MAN1B1: variants seen among roughly 807,000 people sequenced by gnomAD.
The protein encoded by MAN1B1 is mannosidase alpha class 1B member 1.
Under a neutral mutation model 75.5 loss-of-function variants are expected in MAN1B1, and 66 were observed. The observed-to-expected ratio is 0.87, with a 90% CI of 0.72 to 1.07. MAN1B1 has a LOEUF of 1.07. MAN1B1 is among the 50% of genes least tolerant of loss of function. MAN1B1 has a pLI of 0.00. For missense variants in MAN1B1, 973 were observed against 912.5 expected (o/e 1.07, Z -0.85); for synonymous variants, 453 against 382.8 (o/e 1.18, Z -2.14).
intron 3 of MAN1B1, chr9:137,094,443 G>A (rs1314578983): frequency 6.3e-6 from 3 of 473,590 alleles, no homozygotes; most frequent in South Asian, 3.1e-5. Flanking sequence ...TGGTGGAGAA[G>A]AGACTAGAGA....
In MAN1B1 at chr9:137,105,982, G is replaced by A. The variant is rs779352536; in HGVS notation, c.1255-143G>A. On this transcript the variant is annotated intron_variant, in intron 8 of 12. Transcript: ENST00000371589. ...ACCAGGAGCCATGTGGGCAAGGACA[G>A]CTGTGGGCTGGGCACAGAGCTCTCT... The A allele has an allele frequency of 4.1e-6, 3 of 736,796 alleles. No homozygotes were observed. The East Asian group carries it at 8.0e-5, about 20-fold the overall frequency. 45.6% of individuals were successfully genotyped at this position (736,796 alleles called of 1,614,324 possible).
chr9:137,098,437 A>C (rs1479223715), intron 5 of MAN1B1, among the ~76,000 whole-genome samples: 1 of 152,160 alleles, frequency 6.6e-6, no homozygotes, highest in Admixed American at 6.5e-5. Context: ...AGCCACCCCC[A>C]GAGTCGTTTG....
chr9:137,098,009 T>A, intron 5 of MAN1B1, 72 bp downstream of exon 5: 1 of 1,212,572 alleles, frequency 8.2e-7, no homozygotes, highest in Non-Finnish European at 1.2e-6. Flanking sequence ...AGGCTTCGTC[T>A]CAGCCATGGT....
At chr9:137,106,403 C>T (rs1055165478) in intron 9 of MAN1B1, 88 bp downstream of exon 9, 34 of 1,256,500 alleles carry the variant, frequency 2.7e-5, no homozygotes, top group South Asian at 5.5e-5. Context: ...CCACGGCCCC[C>T]GCTCCTGCTG....
chr9:137,103,592 G>T (rs1830978649), intron 8 of MAN1B1: 3 of 444,636 alleles, frequency 6.7e-6, no homozygotes, highest in Non-Finnish European at 1.4e-5. Context: ...CAGGCGTGCG[G>T]GTCGGTGGTG....
rs191443938 is a variant in MAN1B1 at position 137,088,993 on chromosome 9, G to A, written c.453G>A (p.Glu151=). The change falls in exon 3 of 13, where the codon GAG becomes GAA. Residue 151 remains glutamate (E), a synonymous_variant. Transcript: ENST00000371589. ...KADTDPENLP[E]ISSQKTQRHI... Reference sequence around the variant, plus strand: ...ACACCGACCCTGAGAACTTACCTGAGATTTCGTCACAGGTACTTTGAGCAA... The same window carrying A: ...ACACCGACCCTGAGAACTTACCTGAAATTTCGTCACAGGTACTTTGAGCAA... 1 of 1,613,984 alleles carries A rather than the reference G, an allele frequency of 6.2e-7. No homozygotes were observed.
In MAN1B1 at chr9:137,088,906, G is replaced by A; in HGVS notation, c.366G>A (p.Arg122=). 1 of 1,613,968 alleles carries A rather than the reference G, an allele frequency of 6.2e-7. No individual in the cohort carries two copies. ...GGCTAGAGGAAGAGCAGAAGATGAG[G>A]CCAGAAATTGCTGGGTTAAAACCAG... is the stretch of plus-strand genomic sequence containing the variant. ...AFRLEEEQKM[R]PEIAGLKPAN... Residue 122 remains arginine (R), a synonymous_variant, in exon 3 of 13, where the codon AGG becomes AGA. Transcript: ENST00000371589.
chr9:137,099,883 T>TA lies in MAN1B1; in HGVS notation c.916+3dup. ...TGTGGATCTTGGGTCTGAGGAAAGGTACCTGGTGCTTTCTGGGGAGGGGCT... is the reference window on the plus strand; with the variant it reads ...TGTGGATCTTGGGTCTGAGGAAAGGTAACCTGGTGCTTTCTGGGGAGGGGCT... On this transcript the variant is annotated splice_region_variant and intron_variant, in intron 6 of 12. Transcript: ENST00000371589. 6.2e-7 allele frequency: 1 copy of TA among 1,614,064 alleles called. No individual in the cohort carries two copies. The highest frequency in any genetic ancestry group is 8.5e-7 in the Non-Finnish European group (1 of 1,180,002).
At position 137,087,118 on chromosome 9, in the gene MAN1B1, C is replaced by G; in HGVS notation, c.119C>G (p.Pro40Arg). ...GCCACCACTGTAGTCATGTACCCAC[C>G]GCCGCCGCCGCCGCCTCATCGGGAC... is the stretch of plus-strand genomic sequence containing the variant. ...AVATTVVMYP[P>R]PPPPPHRDFI... is the part of the protein sequence containing the mutation. The change falls in exon 1 of 13, where the codon CCG becomes CGG. Residue 40 changes from proline to arginine, a missense_variant. By Grantham distance (103) the Pro-to-Arg change is moderately radical. Coordinates refer to ENST00000371589, the MANE Select transcript of MAN1B1 (RefSeq NM_016219.5). 1 of 1,585,506 alleles carries G rather than the reference C, an allele frequency of 6.3e-7. No homozygotes were observed. The highest frequency in any genetic ancestry group is 1.1e-5 in the South Asian group (1 of 87,400).
In MAN1B1 at chr9:137,088,152, C is replaced by T. The variant is rs947107486; in HGVS notation, c.297C>T (p.Leu99=). ...LLAFLLFCGL[L]FYINLADHWK... is the part of the protein sequence containing the mutation. ...CCTTTCTGCTTTTCTGTGGACTCCTCTTCTACATCAACTTGGCTGACCATT... is the reference window on the plus strand; with the variant it reads ...CCTTTCTGCTTTTCTGTGGACTCCTTTTCTACATCAACTTGGCTGACCATT... Residue 99 remains leucine (L), a synonymous_variant, in exon 2 of 13, where the codon CTC becomes CTT. Coordinates refer to ENST00000371589, the MANE Select transcript of MAN1B1 (RefSeq NM_016219.5). 6.2e-7 allele frequency: 1 copy of T among 1,614,172 alleles called. No individual in the cohort carries two copies. Among genetic ancestry groups the T allele is most frequent in the South Asian group, 1.1e-5 (1 of 91,080 alleles).
chr9:137,089,739 G>A (rs949556405), intron 3 of MAN1B1, among the ~76,000 whole-genome samples: 4 of 152,196 alleles, frequency 2.6e-5, no homozygotes, highest in African/African-American at 9.7e-5. Context: ...CTGGCCGTGG[G>A]AAAAGCTGAG....
rs151136979 is a variant in MAN1B1 at position 137,099,745 on chromosome 9, A to G, written c.780A>G (p.Ala260=). Residue 260 remains alanine, a synonymous_variant, in exon 6 of 13, where the codon GCA becomes GCG. Coordinates refer to ENST00000371589, the MANE Select transcript of MAN1B1 (RefSeq NM_016219.5). ...QKGVIDVFLH[A]WKGYRKFAWG... ...GCGTGATTGACGTCTTCCTGCATGC[A>G]TGGAAAGGATACCGCAAGTTTGCAT... 6.2e-6 allele frequency: 10 copies of G among 1,614,098 alleles called. No individual in the cohort carries two copies. The highest frequency in any genetic ancestry group is 4.5e-5 in the East Asian group (2 of 44,896).
chr9:137,091,041 G>A (rs1166694270), intron 3 of MAN1B1, among the ~76,000 whole-genome samples: 1 of 152,202 alleles, frequency 6.6e-6, no homozygotes, highest in Admixed American at 6.5e-5. Context: ...AAGGTGCCGT[G>A]CCTGATGGGA....
intron 8 of MAN1B1, chr9:137,104,592 A>T (rs1208945014): frequency 5.8e-6 from 1 of 171,884 alleles, no homozygotes; most frequent in Non-Finnish European, 1.3e-5. Context: ...TACGCGAAAG[A>T]TGCTTCAGAG....
At chr9:137,102,973 G>T (rs1253851296) in intron 8 of MAN1B1, 4 of 432,212 alleles carry the variant, frequency 9.3e-6, no homozygotes, top group Non-Finnish European at 1.8e-5. Context: ...CGCTTTTGCA[G>T]GCGTGCAGGT....
chr9:137,101,444 G>A lies in MAN1B1; in HGVS notation c.1066-40G>A, dbSNP rs760903864. The stretch of plus-strand genomic sequence containing the variant: ...GAAAGGGTGTAGACGAGGCCTCTGG[G>A]TGACCTGAACGTTGGTTCTCTACTC... On this transcript the variant is annotated intron_variant, in intron 7 of 12. Coordinates refer to ENST00000371589, the MANE Select transcript of MAN1B1 (RefSeq NM_016219.5). 3.8e-6 allele frequency: 6 copies of A among 1,590,652 alleles called. No homozygotes were observed. In the South Asian group the frequency reaches 4.5e-5, roughly 12 times the overall value.
In MAN1B1 at chr9:137,099,726, T is replaced by C. The variant is rs1251834735; in HGVS notation, c.761T>C (p.Ile254Thr). 1.2e-6 allele frequency: 2 copies of C among 1,614,218 alleles called. No homozygotes were observed. The highest frequency in any genetic ancestry group is 1.7e-6 in the Non-Finnish European group (2 of 1,180,036). ...VHLNYRQKGV[I>T]DVFLHAWKGY... ...CTGAACTATCGCCAGAAGGGCGTGA[T>C]TGACGTCTTCCTGCATGCATGGAAA... The change falls in exon 6 of 13, where the codon ATT becomes ACT. Residue 254 changes from isoleucine (I) to threonine (T), a missense_variant. Transcript: ENST00000371589.
At chr9:137,096,210 T>C in intron 3 of MAN1B1, 27 bp from the exon 4 acceptor site, 2 of 1,614,016 alleles carry the variant, frequency 1.2e-6, no homozygotes, top group Non-Finnish European at 1.7e-6. Context: ...CACCCCGTGA[T>C]TTCCTGTGTG....
At position 137,108,927 on chromosome 9, in the gene MAN1B1, G is replaced by A. The variant is rs535825168; in HGVS notation, c.*336G>A. Reference sequence around the variant, plus strand: ...GGTGGTCCCTGGTACTGGGGTGACCGAGTGGACAGCCCAGGGTGCAGCTCT... The same window carrying A: ...GGTGGTCCCTGGTACTGGGGTGACCAAGTGGACAGCCCAGGGTGCAGCTCT... On this transcript the variant is annotated 3_prime_UTR_variant, in exon 13 of 13. Transcript: ENST00000371589. 1.1e-4 allele frequency: 57 copies of A among 500,344 alleles called. No individual in the cohort carries two copies. Among genetic ancestry groups the A allele is most frequent in the South Asian group, 5.2e-4 (34 of 64,932 alleles). 31.0% of individuals were successfully genotyped at this position (500,344 alleles called of 1,614,324 possible).
Sources: gnomAD v4.1 joint callset for allele counts (sites outside exome capture counted in the v4.1 genomes callset) on GRCh38, gnomAD v4.1.1 for gene constraint, MANE v1.5 for transcripts, NCBI Gene and HGNC (gene_info 2026-07-23, HGNC 2026-07-21) for gene names.